CTH: variants seen among roughly 807,000 people sequenced by gnomAD.
The protein encoded by CTH is cystathionase (cystathionine gamma-lyase).
In CTH, 41 loss-of-function variants were observed where a neutral mutation model predicts 50.6. That is an observed-to-expected ratio of 0.81 (90% CI 0.63 to 1.05). The LOEUF (loss-of-function observed/expected upper bound fraction) is 1.05. Among genes scored for constraint, CTH ranks in the 50% least tolerant of loss-of-function variants. CTH has a pLI of 0.00. For synonymous variants in CTH, 156 were observed against 168.9 expected, an observed-to-expected ratio of 0.92 and a Z score of 0.59; for missense variants, 470 against 492.6, an observed-to-expected ratio of 0.95 and a Z score of 0.43.
In CTH at chr1:70,438,840, T is replaced by TTATTGTG. The variant is rs3221630; in HGVS notation, c.1191+15_1191+16insATTGTGT. The TTATTGTG allele has an allele frequency of 3.4e-4, 523 of 1,558,540 alleles. No individual in the cohort carries two copies. Among genetic ancestry groups the TTATTGTG allele is most frequent in the Non-Finnish European group, 4.3e-4 (495 of 1,143,030 alleles). On this transcript the variant is annotated intron_variant, in intron 11 of 11. Coordinates refer to ENST00000370938, the MANE Select transcript of CTH (RefSeq NM_001902.6). ...TTGAAGGCAGCAGTAAGTCTTATTA[T>TTATTGTG]TGTGTGTGTGTGTGTGTGTGTGTGT... is the stretch of plus-strand genomic sequence containing the variant.
intron 10 of CTH, among the ~76,000 whole-genome samples, chr1:70,435,766 G>A (rs1388989649): frequency 2.0e-5 from 3 of 152,080 alleles, no homozygotes; most frequent in African/African-American, 7.2e-5. Flanking sequence ...AAGCATCAGA[G>A]GATATTGGTA....
At chr1:70,416,706 G>A (rs905679092) in intron 2 of CTH, among the ~76,000 whole-genome samples, 8 of 151,974 alleles carry the variant, frequency 5.3e-5, no homozygotes, top group African/African-American at 1.9e-4. Flanking sequence ...TGGGATTACA[G>A]GTGCCTGCCA....
chr1:70,411,293 C>G lies in CTH; in HGVS notation c.-123C>G. The G allele has an allele frequency of 1.0e-6, 1 of 977,360 alleles. No individual in the cohort carries two copies. Among genetic ancestry groups the G allele is most frequent in the Middle Eastern group, 2.1e-4 (1 of 4,678 alleles). The allele number at this position is 977,360 out of a possible 1,614,324, so 60.5% of individuals were successfully genotyped here. A position where few individuals can be genotyped will look rare whatever the true frequency, so the allele number is the denominator to read the frequency against. ...GCCGCTTTAGTGCGCTCGCCGTCGG[C>G]TCTACCTGCGTGCTTTAGCTCCTTC... is the stretch of plus-strand genomic sequence containing the variant. On this transcript the variant is annotated 5_prime_UTR_variant, in exon 1 of 12. Transcript: ENST00000370938.
rs1172148055 is a variant in CTH, at chr1:70,439,647, T to G, written c.*520T>G. The G allele has an allele frequency of 6.4e-6, 1 of 156,478 alleles. No homozygotes were observed. The highest frequency in any genetic ancestry group is 1.4e-5 in the Non-Finnish European group (1 of 71,012). The allele number at this position is 156,478 out of a possible 1,614,324, so 9.7% of individuals were successfully genotyped here. A position where few individuals can be genotyped will look rare whatever the true frequency, so the allele number is the denominator to read the frequency against. On this transcript the variant is annotated 3_prime_UTR_variant, in exon 12 of 12. Coordinates refer to ENST00000370938, the MANE Select transcript of CTH (RefSeq NM_001902.6). ...CTGATTTAAGACTATACTTAATATT[T>G]TTAAAAAAATAAATCAGCTGGGCGC...
intron 8 of CTH, 117 bp from the exon 9 acceptor site, chr1:70,433,711 A>G (rs1043142055): frequency 2.7e-6 from 4 of 1,487,888 alleles, no homozygotes; most frequent in Non-Finnish European, 3.7e-6. Flanking sequence ...TGAGCATGGC[A>G]TAATCCTCGT....
At chr1:70,435,616 G>C (rs932890730) in intron 10 of CTH, among the ~76,000 whole-genome samples, 3 of 151,742 alleles carry the variant, frequency 2.0e-5, no homozygotes, top group African/African-American at 7.3e-5. Flanking sequence ...AGCCCTACTA[G>C]ATACTGTCAA....
intron 10 of CTH, 79 bp downstream of exon 10, chr1:70,435,256 A>G: frequency 3.1e-6 from 4 of 1,306,600 alleles, no homozygotes; most frequent in Non-Finnish European, 4.3e-6. Context: ...TGATAAGGTC[A>G]GGGATAATTC....
chr1:70,420,576 T>C (rs1307442526), intron 3 of CTH, among the ~76,000 whole-genome samples: 1 of 152,124 alleles, frequency 6.6e-6, no homozygotes, highest in East Asian at 1.9e-4. Context: ...CCTCCTGCTG[T>C]GTAGCTGGAT....
chr1:70,437,775 GA>G (rs1684628547), intron 10 of CTH, among the ~76,000 whole-genome samples: 2 of 152,136 alleles, frequency 1.3e-5, no homozygotes, highest in Non-Finnish European at 2.9e-5. Context: ...TCATGTAAGA[GA>G]GGAGAAAGCA....
intron 5 of CTH, among the ~76,000 whole-genome samples, chr1:70,429,270 C>A (rs75925846): frequency 0.04 from 6,135 of 152,172 alleles, 124 homozygotes; most frequent in Non-Finnish European, 0.048. Flanking sequence ...GGATGTGAAA[C>A]CCACACATAG....
Position 70,432,238 on chromosome 1 carries a change from A to G in CTH, c.877+3A>G. On this transcript the variant is annotated splice_donor_region_variant and intron_variant, in intron 8 of 11. Transcript: ENST00000370938. ...GGTAGAAAAGGTTATTTATCCTGGTATGTTAATTTGATTTCTAAGCAGATC... is the reference window on the plus strand; with the variant it reads ...GGTAGAAAAGGTTATTTATCCTGGTGTGTTAATTTGATTTCTAAGCAGATC... 6.2e-7 allele frequency: 1 copy of G among 1,614,114 alleles called. No homozygotes were observed. Among genetic ancestry groups the G allele is most frequent in the Non-Finnish European group, 8.5e-7 (1 of 1,179,968 alleles).
At chr1:70,432,370 ATG>A (rs1417220508) in intron 8 of CTH, 135 bp downstream of exon 8, 3 of 1,055,992 alleles carry the variant, frequency 2.8e-6, no homozygotes, top group Non-Finnish European at 4.2e-6. Context: ...GAGCACTGCC[ATG>A]TGTCAGGCTC....
chr1:70,414,436 C>T (rs375298851), intron 1 of CTH, among the ~76,000 whole-genome samples: 2 of 151,706 alleles, frequency 1.3e-5, no homozygotes, highest in African/African-American at 2.4e-5. Context: ...CGCTTGAACC[C>T]GGGAGGTGGA....
chr1:70,414,898 C>T (rs1684056608), intron 1 of CTH, among the ~76,000 whole-genome samples: 1 of 152,106 alleles, frequency 6.6e-6, no homozygotes, highest in South Asian at 2.1e-4. Context: ...CGGCTCACTG[C>T]AACCTCCGCA....
chr1:70,418,476 C>G (rs1028121017), intron 3 of CTH, among the ~76,000 whole-genome samples: 9 of 152,150 alleles, frequency 5.9e-5, no homozygotes, highest in African/African-American at 2.2e-4. Flanking sequence ...TCTGGAACTC[C>G]TGAGCTCAAG....
At chr1:70,429,609 T>C (rs1684420274) in intron 5 of CTH, among the ~76,000 whole-genome samples, 185 bp from the exon 6 acceptor site, 1 of 152,340 alleles carries the variant, frequency 6.6e-6, no homozygotes, top group South Asian at 2.1e-4. Flanking sequence ...CTTTACATTT[T>C]TCTTTGGTGG....
chr1:70,438,694 C>T lies in CTH; in HGVS notation c.1059C>T (p.Ile353=), dbSNP rs1236166181. 11 of 1,613,934 alleles carry T rather than the reference C, an allele frequency of 6.8e-6. No individual in the cohort carries two copies. The highest frequency in any genetic ancestry group is 1.7e-5 in the Admixed American group (1 of 59,988). ...GFESLAELPA[I]MTHASVLKND... is the part of the protein sequence containing the mutation. The stretch of plus-strand genomic sequence containing the variant: ...TGCTCATGTCTTCTTTCAGGGCAAT[C>T]ATGACTCATGCATCAGTTCTTAAGA... The change falls in exon 11 of 12, where the codon ATC becomes ATT. Residue 353 remains isoleucine, a synonymous_variant. Transcript: ENST00000370938.
intron 3 of CTH, 61 bp downstream of exon 3, chr1:70,418,093 C>T (rs1684132666): frequency 6.4e-7 from 1 of 1,567,628 alleles, no homozygotes; most frequent in South Asian, 1.1e-5. Context: ...TAAAGTGAGC[C>T]CTGAATTAAT....
In CTH at chr1:70,411,550, C is replaced by T. The variant is rs1683965047; in HGVS notation, c.135C>T (p.Thr45=). The T allele has an allele frequency of 1.2e-6, 2 of 1,613,978 alleles. No individual in the cohort carries two copies. Among genetic ancestry groups the T allele is most frequent in the Admixed American group, 1.7e-5 (1 of 59,992 alleles). Residue 45 remains threonine (T), a synonymous_variant, in exon 1 of 12, where the codon ACC becomes ACT. Transcript: ENST00000370938. ...TAGTGCCCCCCATCTCACTGTCCACCACGTTCAAGCAAGGGGCGCCTGGCC... is the reference window on the plus strand; with the variant it reads ...TAGTGCCCCCCATCTCACTGTCCACTACGTTCAAGCAAGGGGCGCCTGGCC... The part of the protein sequence containing the change: ...RAVVPPISLS[T]TFKQGAPGQH...
Sources: gnomAD v4.1 joint callset for allele counts (sites outside exome capture counted in the v4.1 genomes callset) on GRCh38, gnomAD v4.1.1 for gene constraint, MANE v1.5 for transcripts, NCBI Gene and HGNC (gene_info 2026-07-23, HGNC 2026-07-21) for gene names.